The following BMP2K variants were observed in gnomAD, a reference collection of about 807,000 sequenced individuals.
BMP2K encodes BMP-2-inducible protein kinase.
Under a neutral mutation model 116.0 loss-of-function variants are expected in BMP2K, and 74 were observed. The ratio of observed to expected loss-of-function variants is 0.64; its 90% CI spans 0.53 to 0.77. The LOEUF is 0.77. Ranked by LOEUF, BMP2K falls within the 30% of genes least tolerant of loss-of-function variation. BMP2K has a pLI of 0.00. For missense variants in BMP2K, 1,365 were observed against 1,403.6 expected (o/e 0.97, Z 0.44); for synonymous variants, 486 against 502.5 (o/e 0.97, Z 0.44).
Position 78,844,319 on chromosome 4 carries a change from A to T in BMP2K, c.547-609A>T, listed in dbSNP as rs536984138. ...GTAGGAGATTGGGCTCTGAACCCAT[A>T]TTTTACTGTTCAAGAAACTGACTAT... On this transcript the variant is annotated intron_variant, in intron 4 of 15. Coordinates refer to ENST00000502613, the MANE Select transcript of BMP2K (RefSeq NM_198892.2). Among the ~76,000 whole-genome samples, 939 of 151,864 alleles carry T rather than the reference A, an allele frequency of 6.2e-3. 24 individuals carry two copies. The highest frequency in any genetic ancestry group is 0.047 in the Admixed American group (710 of 15,208).
intron 15 of BMP2K, among the ~76,000 whole-genome samples, chr4:78,904,646 T>C (rs1668901116): frequency 6.6e-6 from 1 of 151,912 alleles, no homozygotes; most frequent in African/African-American, 2.4e-5. Context: ...CCTCAAAAGA[T>C]GGGGATTTGC....
rs751532101 is a variant in BMP2K, at chr4:78,850,958, T to G, written c.785T>G (p.Phe262Cys). The G allele has an allele frequency of 6.2e-7, 1 of 1,612,370 alleles. No individual in the cohort carries two copies. The highest frequency in any genetic ancestry group is 1.1e-5 in the South Asian group (1 of 91,018). Reference protein sequence around the residue: ...LGCLLYKLCFFTLPFGESQVA... With the variant: ...LGCLLYKLCFCTLPFGESQVA... ...TGTCTACTCTATAAACTTTGTTTCT[T>G]CACTCTTCCTTTTGGTGAGAGTCAG... The change falls in exon 7 of 16, where the codon TTC (phenylalanine) becomes TGC (cysteine). Residue 262 changes from phenylalanine (F) to cysteine (C), a missense_variant. Physicochemically the swap from Phe to Cys is radical, Grantham distance 205. Transcript: ENST00000502613.
chr4:78,807,065 T>C (rs1286305405), intron 1 of BMP2K, among the ~76,000 whole-genome samples: 1 of 152,098 alleles, frequency 6.6e-6, no homozygotes, highest in East Asian at 1.9e-4. Flanking sequence ...TTGGCCAGGC[T>C]GGTCTTGAAC....
intron 15 of BMP2K, among the ~76,000 whole-genome samples, chr4:78,890,286 A>G (rs1357698609): frequency 2.0e-5 from 3 of 151,892 alleles, no homozygotes; most frequent in Admixed American, 1.3e-4. Flanking sequence ...TAATTATGCT[A>G]TTTCTTACCT....
chr4:78,861,350 A>C (rs1280388380), intron 8 of BMP2K, 39 bp from the exon 9 acceptor site: 1 of 1,516,490 alleles, frequency 6.6e-7, no homozygotes, highest in East Asian at 2.3e-5. Context: ...AATTAAAATA[A>C]AAAACTAAAA....
chr4:78,903,090 C>G (rs1015552111), intron 15 of BMP2K, among the ~76,000 whole-genome samples: 5 of 151,668 alleles, frequency 3.3e-5, no homozygotes, highest in African/African-American at 9.7e-5. Flanking sequence ...AATTTTCCCA[C>G]CAAGGTATTG....
At chr4:78,879,514 A>G (rs751847965) in intron 14 of BMP2K, 280 of 802,532 alleles carry the variant, frequency 3.5e-4, no homozygotes, top group Non-Finnish European at 3.8e-4. Context: ...CGCCACACAT[A>G]TTTTAGAAAT....
rs191985997 is a variant in BMP2K, at chr4:78,886,795, A to G, written c.1952-379A>G. Reference sequence around the variant, plus strand: ...TTACCTACTTTATGGATGAATGACCATTTGCAAGATTTTTTCTAAATTTAT... The same window carrying G: ...TTACCTACTTTATGGATGAATGACCGTTTGCAAGATTTTTTCTAAATTTAT... On this transcript the variant is annotated intron_variant, in intron 14 of 15. Coordinates refer to ENST00000502613, the MANE Select transcript of BMP2K (RefSeq NM_198892.2). Among the ~76,000 whole-genome samples the G allele has an allele frequency of 2.6e-3, 393 of 152,292 alleles. 1 individual carries two copies. Among genetic ancestry groups the G allele is most frequent in the Non-Finnish European group, 4.4e-3 (301 of 68,016 alleles).
At chr4:78,880,283 G>A (rs1477032971) in intron 14 of BMP2K, among the ~76,000 whole-genome samples, 2 of 152,142 alleles carry the variant, frequency 1.3e-5, no homozygotes, top group Non-Finnish European at 2.9e-5. Context: ...TGTTGGTCAG[G>A]CTGGTCTCAA....
chr4:78,841,305 T>C (rs1730747938), intron 3 of BMP2K, among the ~76,000 whole-genome samples: 1 of 152,186 alleles, frequency 6.6e-6, no homozygotes, highest in South Asian at 2.1e-4. Flanking sequence ...TTTTTTTGAA[T>C]TCCCAAACTC....
intron 3 of BMP2K, among the ~76,000 whole-genome samples, chr4:78,839,086 C>T (rs1263245684): frequency 6.6e-6 from 1 of 152,136 alleles, no homozygotes; most frequent in African/African-American, 2.4e-5. Flanking sequence ...AAAAAAAATT[C>T]CAAAACTCAA....
intron 14 of BMP2K, among the ~76,000 whole-genome samples, chr4:78,882,656 A>G (rs954180293): frequency 1.3e-5 from 2 of 151,870 alleles, no homozygotes; most frequent in African/African-American, 4.8e-5. Flanking sequence ...GTATAGTTAT[A>G]CTCGTTAATT....
intron 1 of BMP2K, among the ~76,000 whole-genome samples, chr4:78,820,081 A>T (rs1205457369): frequency 6.6e-6 from 1 of 152,170 alleles, no homozygotes; most frequent in African/African-American, 2.4e-5. Flanking sequence ...TCTTACTATA[A>T]TAACTGTGAA....
At chr4:78,785,632 A>G (rs552878400) in intron 1 of BMP2K, among the ~76,000 whole-genome samples, 2 of 152,318 alleles carry the variant, frequency 1.3e-5, no homozygotes, top group East Asian at 3.9e-4. Context: ...TATTAGTAAC[A>G]AAACAAAACC....
intron 1 of BMP2K, among the ~76,000 whole-genome samples, chr4:78,777,209 T>C (rs1183313832): frequency 6.6e-6 from 1 of 152,096 alleles, no homozygotes; most frequent in African/African-American, 2.4e-5. Context: ...AAAAACAATG[T>C]ATTTGTGTGC....
intron 15 of BMP2K, among the ~76,000 whole-genome samples, chr4:78,902,501 G>A (rs976997602): frequency 6.7e-6 from 1 of 149,620 alleles, no homozygotes; most frequent in African/African-American, 2.6e-5. Flanking sequence ...AAATTGCTGG[G>A]AGATGATGGC....
intron 4 of BMP2K, among the ~76,000 whole-genome samples, chr4:78,844,594 G>A (rs1301254967): frequency 1.3e-5 from 2 of 151,400 alleles, no homozygotes; most frequent in Non-Finnish European, 3.0e-5. Flanking sequence ...TAGGATTTAG[G>A]GTTTCTTTGC....
chr4:78,821,510 GT>G (rs747259985), intron 1 of BMP2K, among the ~76,000 whole-genome samples: 2 of 152,074 alleles, frequency 1.3e-5, no homozygotes, highest in Non-Finnish European at 2.9e-5. Context: ...TTAATTCTTT[GT>G]TTTTTTAGGA....
At chr4:78,795,179 TA>T (rs1728191835) in intron 1 of BMP2K, among the ~76,000 whole-genome samples, 1 of 152,246 alleles carries the variant, frequency 6.6e-6, no homozygotes, top group Non-Finnish European at 1.5e-5. Context: ...CAGTGTGCCA[TA>T]ATAACTTTTT....
Sources: gnomAD v4.1 joint callset for allele counts (sites outside exome capture counted in the v4.1 genomes callset) on GRCh38, gnomAD v4.1.1 for gene constraint, MANE v1.5 for transcripts, NCBI Gene and HGNC (gene_info 2026-07-23, HGNC 2026-07-21) for gene names.